AMZ1: variants seen among roughly 807,000 people sequenced by gnomAD.
AMZ1 encodes the protein archaemetzincin-1.
In AMZ1, 39 loss-of-function variants were observed where a neutral mutation model predicts 29.9. That is an observed-to-expected ratio of 1.30 (90% confidence interval 1.01 to 1.70). The LOEUF (loss-of-function observed/expected upper bound fraction) is 1.70. AMZ1 is among the 40% of genes most tolerant of loss of function. The pLI, the probability that AMZ1 is intolerant of heterozygous loss-of-function variation, is 0.00. For missense variants in AMZ1, 1,041 were observed against 680.6 expected (o/e 1.53, Z -5.89); for synonymous variants, 458 against 304.0 (o/e 1.51, Z -5.27).
At chr7:2,732,687 C>T (rs1310406800) in intron 4 of AMZ1, among the ~76,000 whole-genome samples, 2 of 152,182 alleles carry the variant, frequency 1.3e-5, no homozygotes, top group Admixed American at 6.5e-5. Flanking sequence ...CTACCACCCA[C>T]GGGGTGTGCA....
At position 2,712,664 on chromosome 7, in the gene AMZ1, T is replaced by C; in HGVS notation, c.1283T>C (p.Val428Ala). Residue 428 changes from valine to alanine, a missense_variant, in exon 7 of 7, where the codon GTG (valine) becomes GCG (alanine). Transcript: ENST00000683327. ...LQREVAEEDL[V>A]QVDRAVDALD... ...CGGGAAGTGGCAGAGGAGGACCTGG[T>C]GCAGGTGGACAGAGCCGTGGACGCC... 6.2e-7 allele frequency: 1 copy of C among 1,613,016 alleles called. No homozygotes were observed. The highest frequency in any genetic ancestry group is 8.5e-7 in the Non-Finnish European group (1 of 1,179,906).
At chr7:2,728,223 GAAC>G (rs1331258810) in intron 4 of AMZ1, 2 of 152,278 alleles carry the variant, frequency 1.3e-5, no homozygotes, top group Admixed American at 6.5e-5. Flanking sequence ...CTTACACCAT[GAAC>G]AACTGACCCG....
At chr7:2,690,846 G>T (rs1006585203) in intron 1 of AMZ1, among the ~76,000 whole-genome samples, 3 of 152,138 alleles carry the variant, frequency 2.0e-5, no homozygotes, top group African/African-American at 7.2e-5. Context: ...TTGGTAAAAA[G>T]AAGGCATTTC....
At position 2,731,783 on chromosome 7, in the gene AMZ1, G is replaced by T. The variant is rs372227846; in HGVS notation, n.550+21967G>T. ...ATACAGGATGAGGCAGAAATTTAGG[G>T]GGAGGAAGAAAGAACAGAGAAAATA... On this transcript the variant is annotated intron_variant and non_coding_transcript_variant, in intron 4 of 4. Transcript: ENST00000489665. The surrounding 1 kb of genome is among the most constrained non-coding windows in gnomAD (Gnocchi z 6.0). 3 of 1,129,870 alleles carry T rather than the reference G, an allele frequency of 2.7e-6. No individual in the cohort carries two copies. The highest frequency in any genetic ancestry group is 2.1e-5 in the South Asian group (1 of 47,730). 70.0% of individuals were successfully genotyped at this position (1,129,870 alleles called of 1,614,324 possible).
At chr7:2,704,609 TTTTTTA>T (rs1228912876) in intron 3 of AMZ1, among the ~76,000 whole-genome samples, 1 of 134,188 alleles carries the variant, frequency 7.5e-6, no homozygotes, top group African/African-American at 2.8e-5. Flanking sequence ...TTTTTTTTTT[TTTTTTA>T]AGACGGAGTC....
At chr7:2,758,219 A>G (rs958532094) in intron 4 of AMZ1, among the ~76,000 whole-genome samples, 1 of 152,320 alleles carries the variant, frequency 6.6e-6, no homozygotes, top group Non-Finnish European at 1.5e-5. Flanking sequence ...GAAAACTCAG[A>G]GCTTTTAAGA....
chr7:2,737,832 T>C lies in AMZ1; in HGVS notation n.551-26880T>C, dbSNP rs144037094. Among the ~76,000 whole-genome samples the C allele has an allele frequency of 4.3e-3, 651 of 152,358 alleles. 2 individuals carry two copies. Among genetic ancestry groups the C allele is most frequent in the Non-Finnish European group, 7.8e-3 (532 of 68,038 alleles). Reference sequence around the variant, plus strand: ...TTACTTAATAAATAAATATTAAAGTTAGCATTTGATTTCCACTGAATAGAG... The same window carrying C: ...TTACTTAATAAATAAATATTAAAGTCAGCATTTGATTTCCACTGAATAGAG... On this transcript the variant is annotated intron_variant and non_coding_transcript_variant, in intron 4 of 4. Transcript: ENST00000489665.
chr7:2,760,904 G>A (rs1791522443), upstream of AMZ1, among the ~76,000 whole-genome samples: 1 of 152,120 alleles, frequency 6.6e-6, no homozygotes, highest in Non-Finnish European at 1.5e-5. Context: ...TTCTTTGGTG[G>A]GGAGTGGGGG....
chr7:2,734,531 T>TGGA (rs1036598365), intron 4 of AMZ1, among the ~76,000 whole-genome samples: 2 of 152,138 alleles, frequency 1.3e-5, no homozygotes, highest in Non-Finnish European at 2.9e-5. Flanking sequence ...GCCATCAGAA[T>TGGA]GGACTACGTG....
intron 6 of AMZ1, 28 bp downstream of exon 6, chr7:2,709,844 T>G: frequency 2.5e-6 from 4 of 1,606,808 alleles, no homozygotes; most frequent in Non-Finnish European, 3.4e-6. Context: ...GCTGCCCGGC[T>G]GCTGGGACCT....
Position 2,717,031 on chromosome 7 carries a change from G to C in AMZ1, c.*4153G>C, listed in dbSNP as rs1300588135. 6.6e-6 allele frequency among the ~76,000 whole-genome samples: 1 copy of C among 152,210 alleles called. No individual in the cohort carries two copies. The highest frequency in any genetic ancestry group is 2.4e-5 in the African/African-American group (1 of 41,454). On this transcript the variant is annotated 3_prime_UTR_variant, in exon 7 of 7. Coordinates refer to ENST00000683327, the MANE Select transcript of AMZ1 (RefSeq NM_001384743.1). ...GAGAGTAAGAAGGCGCACGGACGCG[G>C]GAGGCCTGCACCCTGATCCCTGAGC...
chr7:2,725,757 C>T (rs1789591261), intron 4 of AMZ1, among the ~76,000 whole-genome samples: 1 of 152,268 alleles, frequency 6.6e-6, no homozygotes, highest in African/African-American at 2.4e-5. Context: ...GGCTTCAGCT[C>T]CTTTCTTGGG....
intron 4 of AMZ1, among the ~76,000 whole-genome samples, chr7:2,738,213 G>A (rs1355509284): frequency 4.6e-5 from 7 of 151,914 alleles, no homozygotes; most frequent in East Asian, 1.9e-4. Context: ...TCAGGAGTTC[G>A]AGACAAGCCT....
chr7:2,707,552 C>T (rs1324908280), intron 3 of AMZ1, among the ~76,000 whole-genome samples: 2 of 152,010 alleles, frequency 1.3e-5, no homozygotes, highest in South Asian at 4.1e-4. Flanking sequence ...CACTCATGCT[C>T]CGGGGAACCA....
Position 2,700,705 on chromosome 7 carries a change from A to G in AMZ1, c.254A>G (p.Gln85Arg). ...EDFQTFHASL[Q>R]HRKPRLARKH... ...TTCCAGACCTTCCACGCCTCCCTGCAGCACCGGAAGCCCCGCCTGGCTCGG... is the reference window on the plus strand; with the variant it reads ...TTCCAGACCTTCCACGCCTCCCTGCGGCACCGGAAGCCCCGCCTGGCTCGG... Residue 85 changes from glutamine (Q) to arginine (R), a missense_variant, in exon 2 of 7, where the codon CAG becomes CGG. Coordinates refer to ENST00000683327, the MANE Select transcript of AMZ1 (RefSeq NM_001384743.1). The G allele has an allele frequency of 6.2e-7, 1 of 1,613,206 alleles. No individual in the cohort carries two copies. Among genetic ancestry groups the G allele is most frequent in the South Asian group, 1.1e-5 (1 of 91,074 alleles).
At chr7:2,749,713 T>C (rs1300454673) in intron 4 of AMZ1, among the ~76,000 whole-genome samples, 1 of 149,730 alleles carries the variant, frequency 6.7e-6, no homozygotes, top group African/African-American at 2.5e-5. Flanking sequence ...AAAAACATAG[T>C]GGAAAACAAA....
chr7:2,692,630 C>T (rs911551413), intron 1 of AMZ1, among the ~76,000 whole-genome samples: 3 of 152,206 alleles, frequency 2.0e-5, no homozygotes, highest in Non-Finnish European at 4.4e-5. Context: ...GTTTCCTGGG[C>T]GCCTCTTCCG....
chr7:2,750,712 G>A (rs566215402), intron 4 of AMZ1, among the ~76,000 whole-genome samples: 1 of 152,178 alleles, frequency 6.6e-6, no homozygotes, highest in South Asian at 2.1e-4. Context: ...TATTGGACAG[G>A]CATGTTAACA....
In AMZ1 at chr7:2,717,071, G is replaced by A. The variant is rs73675028; in HGVS notation, c.*4193G>A. Among the ~76,000 whole-genome samples, 52,829 of 152,046 alleles carry A rather than the reference G, an allele frequency of 0.35. 9,757 individuals are homozygous for A. The highest frequency in any genetic ancestry group is 0.47 in the African/African-American group (19,418 of 41,460). ...GATCCCTGAGCAGCCCCCACACACCGGCACCCACGCCCCTCGGTTCTGATA... is the reference window on the plus strand; with the variant it reads ...GATCCCTGAGCAGCCCCCACACACCAGCACCCACGCCCCTCGGTTCTGATA... On this transcript the variant is annotated 3_prime_UTR_variant, in exon 7 of 7. Transcript: ENST00000683327.
Sources: allele counts gnomAD v4.1 joint callset (sites outside exome capture counted in the v4.1 genomes callset), GRCh38; gene constraint gnomAD v4.1.1; non-coding constraint Gnocchi (gnomAD v3.1); transcripts MANE v1.5; gene names NCBI Gene and HGNC (gene_info 2026-07-23, HGNC 2026-07-21).